Variants in MSRA observed in about 807,000 individuals in gnomAD.
MSRA encodes methionine sulfoxide reductase A.
Under a neutral mutation model 31.3 loss-of-function variants are expected in MSRA, and 54 were observed. The observed-to-expected ratio is 1.73, with a 90% CI of 1.39 to 2.17. The LOEUF is 2.17. Ranked by LOEUF, MSRA falls within the 30% of genes most tolerant of loss-of-function variation. MSRA has a pLI of 0.00. For missense variants in MSRA, 507 were observed against 300.9 expected, an observed-to-expected ratio of 1.69 and a Z score of -5.07; for synonymous variants, 169 against 116.5, an observed-to-expected ratio of 1.45 and a Z score of -2.90.
At chr8:10,339,680 T>TA (rs1803293169) in intron 5 of MSRA, among the ~76,000 whole-genome samples, 1 of 151,976 alleles carries the variant, frequency 6.6e-6, no homozygotes. Context: ...TAGGTGGGGC[T>TA]ACAGGTGCCT....
In MSRA at chr8:10,170,096, A is replaced by G. The variant is rs1402260180; in HGVS notation, c.143-37737A>G. 3.6e-5 allele frequency among the ~76,000 whole-genome samples: 5 copies of G among 139,780 alleles called. No individual in the cohort carries two copies. The East Asian group carries it at 1.0e-3, about 29-fold the overall frequency. The allele number at this position is 139,780 out of a possible 152,430, so 91.7% of individuals were successfully genotyped here. On this transcript the variant is annotated intron_variant, in intron 1 of 5. Transcript: ENST00000317173. The stretch of plus-strand genomic sequence containing the variant: ...GAGACAGGGTTTCACCATGTTAGTC[A>G]GGTAGTCTTGAACTCCTGACCTCAG...
intron 1 of MSRA, among the ~76,000 whole-genome samples, chr8:10,086,860 AAGAGAGGGAGGGAGAGGG>A (rs1382283256): frequency 6.7e-6 from 1 of 149,710 alleles, no homozygotes; most frequent in Non-Finnish European, 1.5e-5. Context: ...CAGAGGAGAG[AAGAGAGGGAGGGAGAGGG>A]AGAGAGAGAG....
chr8:10,276,087 C>CTG (rs1360367662), intron 3 of MSRA, among the ~76,000 whole-genome samples: 3 of 152,208 alleles, frequency 2.0e-5, no homozygotes, highest in Non-Finnish European at 4.4e-5. Flanking sequence ...CTGGTGGTCA[C>CTG]TGCAGCGGTC....
At chr8:10,276,766 T>C (rs938822052) in intron 3 of MSRA, among the ~76,000 whole-genome samples, 16 of 152,214 alleles carry the variant, frequency 1.1e-4, no homozygotes, top group African/African-American at 3.9e-4. Context: ...TGCTTGTTAT[T>C]CTTAATTTTT....
At chr8:10,312,598 A>G (rs990272559) in intron 4 of MSRA, among the ~76,000 whole-genome samples, 1 of 152,212 alleles carries the variant, frequency 6.6e-6, no homozygotes. Context: ...TATGTAAGAA[A>G]AGAAAATTGT....
At chr8:10,207,947 T>C in intron 2 of MSRA, 46 bp downstream of exon 2, 1 of 1,497,976 alleles carries the variant, frequency 6.7e-7, no homozygotes, top group Admixed American at 1.8e-5. Context: ...GTGCAAAGAC[T>C]AGTGCCAAAT....
At chr8:10,346,087 C>G (rs977603126) in intron 5 of MSRA, among the ~76,000 whole-genome samples, 4 of 152,188 alleles carry the variant, frequency 2.6e-5, no homozygotes, top group Non-Finnish European at 4.4e-5. Context: ...ACTGTGACCT[C>G]TTGTGCAGTG....
At chr8:10,251,513 C>T (rs778062107) in intron 3 of MSRA, among the ~76,000 whole-genome samples, 1 of 152,146 alleles carries the variant, frequency 6.6e-6, no homozygotes, top group African/African-American at 2.4e-5. Flanking sequence ...GCAATTTGAT[C>T]GCTTTTTATT....
intron 1 of MSRA, among the ~76,000 whole-genome samples, chr8:10,062,384 A>G (rs148402427): frequency 9.2e-5 from 14 of 152,352 alleles, no homozygotes; most frequent in African/African-American, 3.4e-4. Context: ...TGCTGCTCTT[A>G]TCTTCCTCAC....
intron 1 of MSRA, among the ~76,000 whole-genome samples, chr8:10,157,888 A>G (rs1804290700): frequency 6.6e-6 from 1 of 151,948 alleles, no homozygotes; most frequent in Non-Finnish European, 1.5e-5. Context: ...ATACCGTACA[A>G]TTCATCTATT....
At chr8:10,087,881 C>A (rs923064247) in intron 1 of MSRA, among the ~76,000 whole-genome samples, 2 of 152,188 alleles carry the variant, frequency 1.3e-5, no homozygotes, top group Non-Finnish European at 2.9e-5. Flanking sequence ...GGCAAAATCT[C>A]AGGTAAACCT....
chr8:10,165,347 AAAACAAACAAACAAAC>A (rs142564475), intron 1 of MSRA, among the ~76,000 whole-genome samples: 1 of 151,998 alleles, frequency 6.6e-6, no homozygotes, highest in Non-Finnish European at 1.5e-5. Flanking sequence ...CTTTTTTTAA[AAAACAAACAAACAAAC>A]AAACAAACAA....
chr8:10,419,276 C>T (rs1056505767), intron 5 of MSRA, among the ~76,000 whole-genome samples: 1 of 152,206 alleles, frequency 6.6e-6, no homozygotes, highest in African/African-American at 2.4e-5. Flanking sequence ...ATTCCGGGAA[C>T]AGCATGGATG....
Position 10,078,961 on chromosome 8 carries a change from C to A in MSRA, c.142+24303C>A, listed in dbSNP as rs574500480. On this transcript the variant is annotated intron_variant, in intron 1 of 5. Coordinates refer to ENST00000317173, the MANE Select transcript of MSRA (RefSeq NM_012331.5). ...TCCCTCGCTAGCTTTTCATGTGAGC[C>A]ACACTTAGAAGCCGTGCTAGGGCCG... Among the ~76,000 whole-genome samples, 20 of 152,270 alleles carry A rather than the reference C, an allele frequency of 1.3e-4. No homozygotes were observed. In the South Asian group the frequency reaches 4.1e-3, roughly 32 times the overall value.
At chr8:10,395,866 G>T (rs1345890615) in intron 5 of MSRA, among the ~76,000 whole-genome samples, 1 of 152,114 alleles carries the variant, frequency 6.6e-6, no homozygotes, top group African/African-American at 2.4e-5. Context: ...GTGCTCCTAG[G>T]CACACATCCC....
At chr8:10,080,219 G>C (rs1184716266) in intron 1 of MSRA, among the ~76,000 whole-genome samples, 3 of 151,986 alleles carry the variant, frequency 2.0e-5, no homozygotes, top group Non-Finnish European at 2.9e-5. Context: ...AAGTTACTCT[G>C]GCAATTATGA....
chr8:10,151,407 G>T lies in MSRA; in HGVS notation c.143-56426G>T, dbSNP rs1412307120. The stretch of plus-strand genomic sequence containing the variant: ...GCCTGTCATCCCAGCATTTTGGGAG[G>T]CTGAGGTGGGCGGATCATGAGGTCA... On this transcript the variant is annotated intron_variant, in intron 1 of 5. Coordinates refer to ENST00000317173, the MANE Select transcript of MSRA (RefSeq NM_012331.5). Among the ~76,000 whole-genome samples the T allele has an allele frequency of 4.6e-5, 7 of 152,170 alleles. 1 individual carries two copies. The highest frequency in any genetic ancestry group is 1.0e-4 in the Non-Finnish European group (7 of 68,028).
chr8:10,194,014 C>G (rs924644785), intron 1 of MSRA, among the ~76,000 whole-genome samples: 1 of 151,936 alleles, frequency 6.6e-6, no homozygotes, highest in Non-Finnish European at 1.5e-5. Flanking sequence ...TTTTAAGATA[C>G]TCTTCTGTTA....
At chr8:10,319,325 C>T (rs1264582559) in intron 4 of MSRA, among the ~76,000 whole-genome samples, 7 of 152,150 alleles carry the variant, frequency 4.6e-5, no homozygotes, top group African/African-American at 1.7e-4. Flanking sequence ...CTATCATCCA[C>T]CCTTCAGCTG....
Sources: gnomAD v4.1 joint callset for allele counts (sites outside exome capture counted in the v4.1 genomes callset) on GRCh38, gnomAD v4.1.1 for gene constraint, MANE v1.5 for transcripts, NCBI Gene and HGNC (gene_info 2026-07-23, HGNC 2026-07-21) for gene names.